OR51C1: variants seen among roughly 807,000 people sequenced by gnomAD.
The protein encoded by OR51C1 is olfactory receptor OR51C1.
chr11:4,691,090 T>C, the OR51C1 span: 1 of 456,730 alleles, frequency 2.2e-6, no homozygotes, highest in Admixed American at 2.3e-5. Context: ...GTAGAGAACA[T>C]GGCAGTCAGC....
chr11:4,690,730 G>A, the OR51C1 span: 1 of 375,780 alleles, frequency 2.7e-6, no homozygotes, highest in African/African-American at 2.1e-5. Flanking sequence ...ATCTTGAGGG[G>A]TCCATCTAGT....
the OR51C1 span, among the ~76,000 whole-genome samples, chr11:4,693,448 G>A: frequency 5.9e-4 from 90 of 152,334 alleles, no homozygotes; most frequent in African/African-American, 2.0e-3. Flanking sequence ...CAGGCTGGGC[G>A]CGGTGGCTCA....
chr11:4,694,456 C>A, the OR51C1 span, among the ~76,000 whole-genome samples: 1 of 151,034 alleles, frequency 6.6e-6, no homozygotes, highest in Non-Finnish European at 1.5e-5. Flanking sequence ...TAGTTCAGTT[C>A]AAACTGAACT....
At chr11:4,691,688 C>T in the OR51C1 span, 2 of 372,398 alleles carry the variant, frequency 5.4e-6, 1 homozygote, top group Non-Finnish European at 1.1e-5. Context: ...AGGTGATATT[C>T]TGCAAAGTTG....
At chr11:4,693,506 G>T in the OR51C1 span, among the ~76,000 whole-genome samples, 1 of 152,180 alleles carries the variant, frequency 6.6e-6, no homozygotes, top group East Asian at 1.9e-4. Context: ...CGGATCACGA[G>T]GTCAGGAGAT....
chr11:4,694,111 A>C, the OR51C1 span, among the ~76,000 whole-genome samples: 1 of 152,154 alleles, frequency 6.6e-6, no homozygotes, highest in Non-Finnish European at 1.5e-5. Flanking sequence ...TTAAATTGCT[A>C]TTTGAATAAT....
chr11:4,691,937 G>A, the OR51C1 span, among the ~76,000 whole-genome samples: 1 of 152,026 alleles, frequency 6.6e-6, no homozygotes. Context: ...TCTTCTCTAG[G>A]GCCCTTTGCT....
At chr11:4,692,724 A>G in the OR51C1 span, among the ~76,000 whole-genome samples, 2 of 152,094 alleles carry the variant, frequency 1.3e-5, no homozygotes, top group Admixed American at 1.3e-4. Flanking sequence ...AGAGGAAAAG[A>G]AAGGGTGCTG....
chr11:4,693,504 G>C, the OR51C1 span, among the ~76,000 whole-genome samples: 1 of 152,132 alleles, frequency 6.6e-6, no homozygotes, highest in Non-Finnish European at 1.5e-5. Context: ...GGCGGATCAC[G>C]AGGTCAGGAG....
At chr11:4,697,560 T>C in the OR51C1 span, 5 of 152,764 alleles carry the variant, frequency 3.3e-5, no homozygotes, top group African/African-American at 9.6e-5. Flanking sequence ...CTAATCTAAT[T>C]CTGCACATTG....
the OR51C1 span, among the ~76,000 whole-genome samples, chr11:4,696,380 C>T: frequency 6.6e-6 from 1 of 152,140 alleles, no homozygotes; most frequent in African/African-American, 2.4e-5. Context: ...TGTGCACACA[C>T]ATACCCTCCT....
the OR51C1 span, chr11:4,691,467 G>A: frequency 2.2e-6 from 1 of 456,660 alleles, no homozygotes; most frequent in East Asian, 6.9e-5. Context: ...GGTGACCAGA[G>A]TGGATATGGA....
At chr11:4,691,105 C>G in the OR51C1 span, 2 of 456,728 alleles carry the variant, frequency 4.4e-6, no homozygotes, top group Non-Finnish European at 4.4e-6. Flanking sequence ...GTCAGCCCAA[C>G]TGCACTGTTG....
the OR51C1 span, chr11:4,691,365 T>C: frequency 6.6e-6 from 3 of 457,902 alleles, no homozygotes; most frequent in Admixed American, 4.7e-5. Flanking sequence ...CACTGAGGAT[T>C]CCATGACAGT....
the OR51C1 span, among the ~76,000 whole-genome samples, chr11:4,693,859 A>G: frequency 1.3e-5 from 2 of 152,216 alleles, no homozygotes; most frequent in Non-Finnish European, 2.9e-5. Flanking sequence ...CTAAAGGACA[A>G]CACAAATAAA....
chr11:4,696,663 C>A, the OR51C1 span, among the ~76,000 whole-genome samples: 6 of 152,188 alleles, frequency 3.9e-5, no homozygotes, highest in African/African-American at 1.4e-4. Flanking sequence ...ACTCTAGAAT[C>A]TTTCCGACCC....
At chr11:4,691,373 A>G in the OR51C1 span, 5 of 457,872 alleles carry the variant, frequency 1.1e-5, no homozygotes, top group African/African-American at 2.0e-5. Context: ...ATTCCATGAC[A>G]GTGAAGAATT....
chr11:4,694,959 G>T, the OR51C1 span, among the ~76,000 whole-genome samples: 1 of 152,130 alleles, frequency 6.6e-6, no homozygotes, highest in Non-Finnish European at 1.5e-5. Context: ...GTGTGCTTTT[G>T]CAGTGCCGTT....
At chr11:4,696,626 C>T in the OR51C1 span, among the ~76,000 whole-genome samples, 1 of 152,126 alleles carries the variant, frequency 6.6e-6, no homozygotes, top group Non-Finnish European at 1.5e-5. Flanking sequence ...CTAAATTTCC[C>T]CCAAGCTTCT....
Sources: gnomAD v4.1 joint callset for allele counts (sites outside exome capture counted in the v4.1 genomes callset) on GRCh38, gnomAD v4.1.1 for gene constraint, MANE v1.5 for transcripts, NCBI Gene and HGNC (gene_info 2026-07-23, HGNC 2026-07-21) for gene names.